The following PLCZ1 variants were observed in gnomAD, a reference collection of about 807,000 sequenced individuals.
The protein encoded by PLCZ1 is 1-phosphatidylinositol 4,5-bisphosphate phosphodiesterase zeta-1.
A neutral mutation model predicts 76.8 loss-of-function variants in PLCZ1; 64 were observed. The observed-to-expected ratio is 0.83, with a 90% CI of 0.68 to 1.03. PLCZ1 has a LOEUF of 1.03. Among genes scored for constraint, PLCZ1 ranks in the 50% least tolerant of loss-of-function variants. The probability of loss-of-function intolerance (pLI) is 0.00; values close to 1 mark genes in which losing one functional copy is unlikely to be tolerated. For missense variants in PLCZ1, 751 were observed against 713.7 expected (o/e 1.05, Z -0.60); for synonymous variants, 248 against 230.8 (o/e 1.07, Z -0.68).
intron 6 of PLCZ1, among the ~76,000 whole-genome samples, chr12:18,710,677 C>G (rs1957191439): frequency 6.6e-6 from 1 of 152,018 alleles, no homozygotes; most frequent in South Asian, 2.1e-4. Context: ...TTGACTACGA[C>G]AGTGACAGTA....
chr12:18,724,772 C>CA, intron 3 of PLCZ1, among the ~76,000 whole-genome samples: 1 of 152,088 alleles, frequency 6.6e-6, no homozygotes, highest in East Asian at 1.9e-4. Flanking sequence ...TCTTATTTGT[C>CA]ATAAAATCTT....
chr12:18,646,767 A>G, the PLCZ1 span, among the ~76,000 whole-genome samples: 17 of 152,056 alleles, frequency 1.1e-4, no homozygotes, highest in Non-Finnish European at 2.1e-4. Context: ...CCAGATTTCC[A>G]CTCAGCTCTC....
downstream of PLCZ1, among the ~76,000 whole-genome samples, chr12:18,680,998 T>C (rs1394060689): frequency 6.6e-6 from 1 of 152,064 alleles, no homozygotes; most frequent in Non-Finnish European, 1.5e-5. Flanking sequence ...TGTAGCATTG[T>C]TGCGTTTGGA....
At chr12:18,660,155 A>T in the PLCZ1 span, among the ~76,000 whole-genome samples, 1 of 152,214 alleles carries the variant, frequency 6.6e-6, no homozygotes, top group African/African-American at 2.4e-5. Context: ...GAGGACCTGG[A>T]TAGTAAATTT....
Position 18,695,082 on chromosome 12 carries a change from G to GT in PLCZ1, c.1292-4dup, listed in dbSNP as rs752393804. ...AGGGGTCTGGAAATTTAAAGCCACT[G>GT]TAAGAAAGAAGTATTTTGACATTGT... On this transcript the variant is annotated splice_region_variant and splice_polypyrimidine_tract_variant and intron_variant, in intron 11 of 14. Coordinates refer to ENST00000266505, the MANE Select transcript of PLCZ1 (RefSeq NM_033123.4). The GT allele has an allele frequency of 1.7e-5, 27 of 1,611,470 alleles. No homozygotes were observed. In the African/African-American group the frequency reaches 2.8e-4, roughly 17 times the overall value.
At chr12:18,647,882 T>C in the PLCZ1 span, 5 of 1,543,004 alleles carry the variant, frequency 3.2e-6, no homozygotes, top group African/African-American at 6.9e-5. Context: ...TTAGGTAGTA[T>C]ATGATGAAGT....
chr12:18,716,711 C>A (rs1346731332), intron 5 of PLCZ1, among the ~76,000 whole-genome samples: 1 of 152,132 alleles, frequency 6.6e-6, no homozygotes, highest in Non-Finnish European at 1.5e-5. Context: ...TTTATTTCAT[C>A]TATTTATCTT....
rs76505898 is a variant in PLCZ1, at chr12:18,698,889, T to G, written c.1174+905A>C. 2.2e-3 allele frequency among the ~76,000 whole-genome samples: 342 copies of G among 152,256 alleles called. 8 individuals carry two copies. In the East Asian group the frequency reaches 0.052, roughly 23 times the overall value. On this transcript the variant is annotated intron_variant, in intron 10 of 14. Transcript: ENST00000266505. ...TGTCTTATTCATTCTAACTATAGTT[T>G]TGTATCCATTATTGTCCTTACTTCC...
At chr12:18,732,616 A>C (rs534403004) in intron 3 of PLCZ1, among the ~76,000 whole-genome samples, 2 of 152,058 alleles carry the variant, frequency 1.3e-5, no homozygotes, top group Non-Finnish European at 2.9e-5. Context: ...TTTGACTAAC[A>C]CTTCCTTGTT....
intron 3 of PLCZ1, 120 bp from the exon 4 acceptor site, chr12:18,723,662 G>T: frequency 1.2e-6 from 1 of 842,398 alleles, no homozygotes; most frequent in Non-Finnish European, 1.9e-6. Flanking sequence ...AATTACATTG[G>T]ATTCTTATTG....
chr12:18,667,156 C>G, the PLCZ1 span, among the ~76,000 whole-genome samples: 1 of 152,178 alleles, frequency 6.6e-6, no homozygotes, highest in Non-Finnish European at 1.5e-5. Flanking sequence ...CAAATAAGGT[C>G]TCATGATGAG....
chr12:18,652,891 A>ATG, the PLCZ1 span, among the ~76,000 whole-genome samples: 1 of 152,014 alleles, frequency 6.6e-6, no homozygotes, highest in African/African-American at 2.4e-5. Flanking sequence ...GAACATATAC[A>ATG]TATATATGTA....
At position 18,736,354 on chromosome 12, in the gene PLCZ1, CA is replaced by C. The variant is rs1565748670; in HGVS notation, c.12-11del. The C allele has an allele frequency of 6.2e-7, 1 of 1,608,846 alleles. No homozygotes were observed. The highest frequency in any genetic ancestry group is 8.5e-7 in the Non-Finnish European group (1 of 1,177,988). On this transcript the variant is annotated splice_polypyrimidine_tract_variant and intron_variant, in intron 2 of 14. Transcript: ENST00000266505. ...CTTTGACAAAAACCATGTAGAAGCA[CA>C]AAAAAGTTAAGGAAATTCTCACAGA...
At chr12:18,696,420 A>T (rs1002327753) in intron 10 of PLCZ1, among the ~76,000 whole-genome samples, 154 bp from the exon 11 acceptor site, 4 of 146,696 alleles carry the variant, frequency 2.7e-5, no homozygotes, top group African/African-American at 1.0e-4. Flanking sequence ...CAATTCATGA[A>T]TATCAAAATA....
intron 10 of PLCZ1, 80 bp downstream of exon 10, chr12:18,699,714 T>C: frequency 2.2e-6 from 3 of 1,368,838 alleles, no homozygotes; most frequent in South Asian, 2.4e-5. Flanking sequence ...ATTTTATAAA[T>C]ATCATTGAGC....
chr12:18,702,657 GAAT>G (rs1170141110), intron 7 of PLCZ1, among the ~76,000 whole-genome samples: 1 of 152,034 alleles, frequency 6.6e-6, no homozygotes, highest in Admixed American at 6.6e-5. Context: ...CATGTATCAA[GAAT>G]ATTATCAGAA....
intron 3 of PLCZ1, among the ~76,000 whole-genome samples, chr12:18,735,277 T>C (rs769174088): frequency 2.0e-5 from 3 of 152,230 alleles, no homozygotes; most frequent in Non-Finnish European, 4.4e-5. Flanking sequence ...AAAATAAAAC[T>C]GGAAGTGTTC....
At chr12:18,716,518 G>C (rs1324340230) in intron 5 of PLCZ1, among the ~76,000 whole-genome samples, 1 of 152,112 alleles carries the variant, frequency 6.6e-6, no homozygotes. Context: ...ATTTAACTTT[G>C]AGCCTTTTTG....
chr12:18,723,172 C>T, intron 4 of PLCZ1, 139 bp downstream of exon 4: 1 of 696,496 alleles, frequency 1.4e-6, no homozygotes, highest in Non-Finnish European at 2.4e-6. Flanking sequence ...TATATTTTCT[C>T]AAAGATATTT....
Sources: allele counts gnomAD v4.1 joint callset (sites outside exome capture counted in the v4.1 genomes callset), GRCh38; gene constraint gnomAD v4.1.1; transcripts MANE v1.5; gene names NCBI Gene and HGNC (gene_info 2026-07-23, HGNC 2026-07-21).